The following GRIN2C variants were observed in gnomAD, a reference collection of about 807,000 sequenced individuals.
The protein encoded by GRIN2C is glutamate receptor ionotropic, NMDA 2C.
GRIN2C carries 64 observed loss-of-function variants against 77.7 expected under a neutral mutation model. The ratio of observed to expected loss-of-function variants is 0.82; its 90% CI spans 0.67 to 1.01. The LOEUF (loss-of-function observed/expected upper bound fraction) is 1.01, where lower values mean the gene tolerates loss of function less well. Ranked by LOEUF, GRIN2C falls within the 50% of genes least tolerant of loss-of-function variation. GRIN2C has a pLI of 0.00. For missense variants in GRIN2C, 1,549 were observed against 1,486.0 expected (o/e 1.04, Z -0.70); for synonymous variants, 792 against 643.4 (o/e 1.23, Z -3.49).
rs1368937563 is a variant in GRIN2C at position 74,846,876 on chromosome 17, C to T, written c.2046G>A (p.Thr682=). 1.9e-6 allele frequency: 3 copies of T among 1,613,956 alleles called. No homozygotes were observed. The highest frequency in any genetic ancestry group is 1.3e-5 in the African/African-American group (1 of 74,952). The change falls in exon 10 of 13, where the codon ACG becomes ACA. Residue 682 remains threonine, a synonymous_variant. Coordinates refer to ENST00000293190, the MANE Select transcript of GRIN2C (RefSeq NM_000835.6). The surrounding 1 kb of genome is among the most constrained non-coding windows in gnomAD (Gnocchi z 4.4). ...TCCGCTCCGTGCTGCCGTTGGGCACCGTGCCGAAGCGGAAAGGTGGGTACT... is the reference window on the plus strand; with the variant it reads ...TCCGCTCCGTGCTGCCGTTGGGCACTGTGCCGAAGCGGAAAGGTGGGTACT... The part of the protein sequence containing the change: ...QDQYPPFRFG[T]VPNGSTERNI...
At position 74,852,324 on chromosome 17, in the gene GRIN2C, C is replaced by T. The variant is rs781733800; in HGVS notation, c.687G>A (p.Ser229=). Residue 229 remains serine, a synonymous_variant, in exon 3 of 13, where the codon TCG becomes TCA. Coordinates refer to ENST00000293190, the MANE Select transcript of GRIN2C (RefSeq NM_000835.6). The stretch of plus-strand genomic sequence containing the variant: ...CGAAGAGCACCTCGGCCTCCTCGCG[C>T]GAGCAGTAGGCCACAAACACGGGCG... The part of the protein sequence containing the change: ...LDAPVFVAYC[S]REEAEVLFAE... The T allele has an allele frequency of 6.9e-7, 1 of 1,454,282 alleles. No homozygotes were observed. Among genetic ancestry groups the T allele is most frequent in the South Asian group, 1.3e-5 (1 of 74,474 alleles). The allele number at this position is 1,454,282 out of a possible 1,614,324, so 90.1% of individuals were successfully genotyped here. A position where few individuals can be genotyped will look rare whatever the true frequency, so the allele number is the denominator to read the frequency against.
chr17:74,850,504 C>T lies in GRIN2C; in HGVS notation c.1325+52G>A. 2 of 1,582,410 alleles carry T rather than the reference C, an allele frequency of 1.3e-6. No individual in the cohort carries two copies. The highest frequency in any genetic ancestry group is 4.5e-5 in the East Asian group (2 of 44,670). ...GCATGGGACATACACGACACCTGAC[C>T]ATCACACGGCAGCACCCAGCTCACA... On this transcript the variant is annotated intron_variant, in intron 5 of 12. Coordinates refer to ENST00000293190, the MANE Select transcript of GRIN2C (RefSeq NM_000835.6). This position sits in a 1 kb window ranked among gnomAD's most constrained non-coding sequence, Gnocchi z 5.3.
chr17:74,854,642 C>G (rs112778549), intron 2 of GRIN2C, 52 bp downstream of exon 2: 1 of 1,524,536 alleles, frequency 6.6e-7, no homozygotes, highest in Non-Finnish European at 9.0e-7. Context: ...ACCCCCGACC[C>G]CAGCCTGGTT....
At position 74,851,670 on chromosome 17, in the gene GRIN2C, C is replaced by A; in HGVS notation, c.1020G>T (p.Trp340Cys). 1 of 1,568,860 alleles carries A rather than the reference C, an allele frequency of 6.4e-7. No homozygotes were observed. The highest frequency in any genetic ancestry group is 2.4e-5 in the East Asian group (1 of 42,502). The stretch of plus-strand genomic sequence containing the variant: ...GGCTGAAGGAGAAGTCTCGGCCCTC[C>A]CAGGTGACATTCAGTAGGTGCCTGC... Reference protein sequence around the residue: ...AFYRHLLNVTWEGRDFSFSPG... With the variant: ...AFYRHLLNVTCEGRDFSFSPG... The change falls in exon 4 of 13, where the codon TGG becomes TGT. Residue 340 changes from tryptophan to cysteine, a missense_variant. By Grantham distance (215) the Trp-to-Cys change is radical. This residue lies in a region of GRIN2C where 717 missense variants were observed against 858.1 expected (regional missense o/e 0.84). Coordinates refer to ENST00000293190, the MANE Select transcript of GRIN2C (RefSeq NM_000835.6).
upstream of GRIN2C, chr17:74,859,889 G>T (rs2037911860): frequency 1.2e-5 from 2 of 165,630 alleles, no homozygotes; most frequent in Non-Finnish European, 2.5e-5. The surrounding 1 kb of genome is among the most constrained non-coding windows in gnomAD (Gnocchi z 5.9). Context: ...GCGATGCGGC[G>T]GCGGCGGCGG....
At position 74,843,070 on chromosome 17, in the gene GRIN2C, ACAGGGGCCGCT is replaced by A; in HGVS notation, c.3056_3066del (p.Glu1019ValfsTer256). 4.3e-6 allele frequency: 2 copies of A among 460,090 alleles called. No individual in the cohort carries two copies. The highest frequency in any genetic ancestry group is 7.8e-6 in the Non-Finnish European group (2 of 257,250). 28.5% of individuals were successfully genotyped at this position (460,090 alleles called of 1,614,324 possible). The stretch of plus-strand genomic sequence containing the variant: ...GAGCTGTAGTGACAGCGCGCGGGCG[ACAGGGGCCGCT>A]CGGAGGCCGAGAGGTGCCTCCCGCA... On this transcript the variant is annotated frameshift_variant, in exon 13 of 13. Transcript: ENST00000293190. LOFTEE classifies it low-confidence loss of function (END_TRUNC).
In GRIN2C at chr17:74,850,817, A is replaced by C. The variant is rs1233745686; in HGVS notation, c.1114-50T>G. On this transcript the variant is annotated intron_variant, in intron 4 of 12. Transcript: ENST00000293190. This position sits in a 1 kb window ranked among gnomAD's most constrained non-coding sequence, Gnocchi z 5.3. Reference sequence around the variant, plus strand: ...TGGGGCCTCCAGCCCTACAGCCCCCACCCTCTAGGTGGAGCCTGCCAGGGC... The same window carrying C: ...TGGGGCCTCCAGCCCTACAGCCCCCCCCCTCTAGGTGGAGCCTGCCAGGGC... 2 of 1,472,410 alleles carry C rather than the reference A, an allele frequency of 1.4e-6. No homozygotes were observed. The highest frequency in any genetic ancestry group is 1.9e-5 in the Admixed American group (1 of 53,222). 91.2% of individuals were successfully genotyped at this position (1,472,410 alleles called of 1,614,324 possible).
At chr17:74,858,205 T>C (rs1277982627) in intron 1 of GRIN2C, among the ~76,000 whole-genome samples, 1 of 152,166 alleles carries the variant, frequency 6.6e-6, no homozygotes, top group African/African-American at 2.4e-5. Flanking sequence ...GCCAAGGACC[T>C]AGAGCTCATT....
At chr17:74,854,667 C>T (rs576277548) in intron 2 of GRIN2C, 27 bp downstream of exon 2, 81 of 1,587,976 alleles carry the variant, frequency 5.1e-5, no homozygotes, top group Non-Finnish European at 6.1e-5. Flanking sequence ...GCCTGAGGCA[C>T]GAGGGGACAT....
intron 1 of GRIN2C, among the ~76,000 whole-genome samples, chr17:74,856,133 AAC>A (rs1213184291): frequency 6.6e-6 from 1 of 152,182 alleles, no homozygotes; most frequent in Non-Finnish European, 1.5e-5. Flanking sequence ...CAGTGAGGGT[AAC>A]ACAAAGCCTG....
Position 74,849,992 on chromosome 17 carries a change from C to T in GRIN2C, c.1492-59G>A. On this transcript the variant is annotated intron_variant, in intron 6 of 12. Coordinates refer to ENST00000293190, the MANE Select transcript of GRIN2C (RefSeq NM_000835.6). The surrounding 1 kb of genome is among the most constrained non-coding windows in gnomAD (Gnocchi z 4.6). ...GGGCTCCCGTGGGGTGGACACGCTG[C>T]ACAGGCACCTCCAGACACCCCTTCT... 4 of 1,550,244 alleles carry T rather than the reference C, an allele frequency of 2.6e-6. No homozygotes were observed. The highest frequency in any genetic ancestry group is 3.5e-6 in the Non-Finnish European group (4 of 1,140,370).
At chr17:74,851,758 C>T in intron 3 of GRIN2C, 67 bp from the exon 4 acceptor site, 1 of 953,724 alleles carries the variant, frequency 1.0e-6, no homozygotes, top group East Asian at 2.6e-5. Context: ...TGCCTCACCG[C>T]CGCCACCGAC....
chr17:74,850,095 A>G lies in GRIN2C; in HGVS notation c.1491+111T>C. 2 of 1,377,216 alleles carry G rather than the reference A, an allele frequency of 1.5e-6. No homozygotes were observed. Among genetic ancestry groups the G allele is most frequent in the South Asian group, 2.5e-5 (2 of 79,208 alleles). 85.3% of individuals were successfully genotyped at this position (1,377,216 alleles called of 1,614,324 possible). ...TTCAGTACTGACCACCCCAGGAGTC[A>G]TCATTGGTGACAGCCCATGCCCCCC... On this transcript the variant is annotated intron_variant, in intron 6 of 12. Coordinates refer to ENST00000293190, the MANE Select transcript of GRIN2C (RefSeq NM_000835.6). This position sits in a 1 kb window ranked among gnomAD's most constrained non-coding sequence, Gnocchi z 5.3.
chr17:74,846,098 A>G lies in GRIN2C; in HGVS notation c.2318T>C (p.Ile773Thr), dbSNP rs1483229907. Residue 773 changes from isoleucine (I) to threonine (T), a missense_variant, in exon 11 of 13, where the codon ATA becomes ACA. Transcript: ENST00000293190. This position sits in a 1 kb window ranked among gnomAD's most constrained non-coding sequence, Gnocchi z 4.4. Reference protein sequence around the residue: ...MQKDSHWKRAIDLALLQFLGD... With the variant: ...MQKDSHWKRATDLALLQFLGD... Reference sequence around the variant, plus strand: ...CAGGAACTGCAAGAGCGCCAGGTCTATGGCCCGCTTCCAGTGGGAGTCCTT... The same window carrying G: ...CAGGAACTGCAAGAGCGCCAGGTCTGTGGCCCGCTTCCAGTGGGAGTCCTT... The G allele has an allele frequency of 6.2e-7, 1 of 1,614,184 alleles. No individual in the cohort carries two copies. Among genetic ancestry groups the G allele is most frequent in the Admixed American group, 1.7e-5 (1 of 60,034 alleles).
Position 74,847,803 on chromosome 17 carries a change from C to T in GRIN2C, c.1771+49G>A. On this transcript the variant is annotated intron_variant, in intron 8 of 12. Coordinates refer to ENST00000293190, the MANE Select transcript of GRIN2C (RefSeq NM_000835.6). The surrounding 1 kb of genome is among the most constrained non-coding windows in gnomAD (Gnocchi z 5.2). ...GGACCCGTTGCCCCTGAGCCCAGCC[C>T]TCAGGGTGCCCAGGCCCACCCCTCC... The T allele has an allele frequency of 6.2e-7, 1 of 1,607,930 alleles. No individual in the cohort carries two copies. Among genetic ancestry groups the T allele is most frequent in the Non-Finnish European group, 8.5e-7 (1 of 1,175,400 alleles).
Position 74,850,884 on chromosome 17 carries a change from A to G in GRIN2C, c.1114-117T>C. On this transcript the variant is annotated intron_variant, in intron 4 of 12. Transcript: ENST00000293190. The surrounding 1 kb of genome is among the most constrained non-coding windows in gnomAD (Gnocchi z 5.3). ...TCACCTAGGGATGCTGGGGCAGGTC[A>G]GAGTAGGGCTGCTCCCAACAGCCTC... 3 of 846,178 alleles carry G rather than the reference A, an allele frequency of 3.5e-6. No homozygotes were observed. Among genetic ancestry groups the G allele is most frequent in the Non-Finnish European group, 5.7e-6 (3 of 526,444 alleles). The allele number at this position is 846,178 out of a possible 1,614,324, so 52.4% of individuals were successfully genotyped here. A position where few individuals can be genotyped will look rare whatever the true frequency, so the allele number is the denominator to read the frequency against.
upstream of GRIN2C, among the ~76,000 whole-genome samples, chr17:74,861,054 T>C (rs531364819): frequency 1.0e-3 from 157 of 152,130 alleles, no homozygotes; most frequent in African/African-American, 3.7e-3. Context: ...CAGCAACAGT[T>C]TGGGTCCGCG....
chr17:74,846,796 C>T lies in GRIN2C; in HGVS notation c.2126G>A (p.Arg709His), dbSNP rs983315557. ...GCTGGTGAGCGCGTCCTCCACCGAGCGCTGGTTGAACTTGACCATGTGGGT... is the reference window on the plus strand; with the variant it reads ...GCTGGTGAGCGCGTCCTCCACCGAGTGCTGGTTGAACTTGACCATGTGGGT... The part of the protein sequence containing the change: ...MHTHMVKFNQ[R>H]SVEDALTSLK... The change falls in exon 10 of 13, where the codon CGC becomes CAC. Residue 709 changes from arginine to histidine, a missense_variant. Physicochemically the swap from Arg to His is conservative, Grantham distance 29. Coordinates refer to ENST00000293190, the MANE Select transcript of GRIN2C (RefSeq NM_000835.6). The surrounding 1 kb of genome is among the most constrained non-coding windows in gnomAD (Gnocchi z 4.4). 1.9e-6 allele frequency: 3 copies of T among 1,614,114 alleles called. No individual in the cohort carries two copies. Among genetic ancestry groups the T allele is most frequent in the South Asian group, 2.2e-5 (2 of 91,088 alleles).
chr17:74,845,866 C>T (rs2037438233), intron 11 of GRIN2C, among the ~76,000 whole-genome samples, 200 bp downstream of exon 11: 1 of 152,072 alleles, frequency 6.6e-6, no homozygotes, highest in African/African-American at 2.4e-5. Context: ...CCAGTTCCTG[C>T]TCCCGCCCTG....
Sources: gnomAD v4.1 joint callset for allele counts (sites outside exome capture counted in the v4.1 genomes callset) on GRCh38, gnomAD v4.1.1 for gene constraint, gnomAD v4.1.1 regional missense constraint, Gnocchi (gnomAD v3.1) non-coding constraint, MANE v1.5 for transcripts, NCBI Gene and HGNC (gene_info 2026-07-23, HGNC 2026-07-21) for gene names.